LAMC2: variants seen among roughly 807,000 people sequenced by gnomAD.
LAMC2 encodes the protein laminin subunit gamma-2.
In LAMC2, 97 loss-of-function variants were observed where a neutral mutation model predicts 140.2. The observed-to-expected ratio is 0.69, with a 90% CI of 0.59 to 0.82. LAMC2 has a LOEUF of 0.82. LAMC2 is among the 40% of genes least tolerant of loss of function. The pLI is 0.00. For synonymous variants in LAMC2, 513 were observed against 540.2 expected, an observed-to-expected ratio of 0.95 and a Z score of 0.70; for missense variants, 1,402 against 1,476.1, an observed-to-expected ratio of 0.95 and a Z score of 0.82.
chr1:183,228,686 T>C lies in LAMC2; in HGVS notation c.1714+67T>C. ...TGTACGTATGCACTTGCTTGCCATC[T>C]AAGCAGGGACAATGGCAGTTCATAT... On this transcript the variant is annotated intron_variant, in intron 11 of 22. Transcript: ENST00000264144. The surrounding 1 kb of genome is among the most constrained non-coding windows in gnomAD (Gnocchi z 4.3). 6.3e-7 allele frequency: 1 copy of C among 1,594,366 alleles called. No individual in the cohort carries two copies. The highest frequency in any genetic ancestry group is 8.6e-7 in the Non-Finnish European group (1 of 1,167,656).
chr1:183,251,384 T>A, the LAMC2 span: 2 of 152,388 alleles, frequency 1.3e-5, no homozygotes, highest in Non-Finnish European at 1.5e-5. Context: ...GGCAACAAAT[T>A]GCTTTCTCCT....
chr1:183,248,255 TTTA>T (rs1281905902), downstream of LAMC2: 1 of 152,666 alleles, frequency 6.6e-6, no homozygotes, highest in Non-Finnish European at 1.5e-5. Context: ...CATTGTCTTA[TTTA>T]TTAACATAAT....
At chr1:183,222,980 A>T (rs1659517497) in intron 6 of LAMC2, among the ~76,000 whole-genome samples, 155 bp from the exon 7 acceptor site, 1 of 152,224 alleles carries the variant, frequency 6.6e-6, no homozygotes, top group African/African-American at 2.4e-5. Context: ...TGTCATAGCC[A>T]TGTCCAGTAC....
the LAMC2 span, among the ~76,000 whole-genome samples, chr1:183,258,019 T>G: frequency 6.6e-6 from 1 of 152,228 alleles, no homozygotes; most frequent in Admixed American, 6.5e-5. Context: ...CCTTAGTTTA[T>G]CCTTTTGGGT....
intron 4 of LAMC2, among the ~76,000 whole-genome samples, chr1:183,219,033 T>C (rs1026009741): frequency 5.3e-5 from 8 of 152,326 alleles, no homozygotes; most frequent in Middle Eastern, 3.4e-3. Flanking sequence ...CAAGCCACAC[T>C]GGAGGAGGTG....
chr1:183,231,110 A>G lies in LAMC2; in HGVS notation c.1857+7A>G. The G allele has an allele frequency of 6.2e-7, 1 of 1,614,134 alleles. No individual in the cohort carries two copies. Among genetic ancestry groups the G allele is most frequent in the South Asian group, 1.1e-5 (1 of 91,080 alleles). On this transcript the variant is annotated splice_region_variant and intron_variant, in intron 12 of 22. Coordinates refer to ENST00000264144, the MANE Select transcript of LAMC2 (RefSeq NM_005562.3). ...TAATCAAGTGAAGATTCAGGTATGC[A>G]TTCTTCCCCTTACCACCCCCAACCC...
chr1:183,198,281 A>G (rs1658588776), intron 1 of LAMC2, among the ~76,000 whole-genome samples: 2 of 151,852 alleles, frequency 1.3e-5, no homozygotes, highest in Non-Finnish European at 2.9e-5. Context: ...AGCTGGAACT[A>G]CAGGTGCCTG....
Position 183,239,518 on chromosome 1 carries a change from G to C in LAMC2, c.3024G>C (p.Lys1008Asn). Reference sequence around the variant, plus strand: ...CTGCTGCTGATGCACAGAGGGCAAAGAATGGGGCCGGGGAGGCCCTGGAAA... The same window carrying C: ...CTGCTGCTGATGCACAGAGGGCAAACAATGGGGCCGGGGAGGCCCTGGAAA... ...GSAAADAQRA[K>N]NGAGEALEIS... Residue 1008 changes from lysine (K) to asparagine (N), a missense_variant, in exon 20 of 23, where the codon AAG becomes AAC. Physicochemically the swap from Lys to Asn is moderately conservative, Grantham distance 94. Coordinates refer to ENST00000264144, the MANE Select transcript of LAMC2 (RefSeq NM_005562.3). The C allele has an allele frequency of 6.2e-7, 1 of 1,613,572 alleles. No homozygotes were observed. The highest frequency in any genetic ancestry group is 8.5e-7 in the Non-Finnish European group (1 of 1,179,836).
At chr1:183,231,957 C>A (rs1295930788) in intron 12 of LAMC2, among the ~76,000 whole-genome samples, 1 of 152,092 alleles carries the variant, frequency 6.6e-6, no homozygotes, top group African/African-American at 2.4e-5. Context: ...TTTCATTATC[C>A]TAATTTTATA....
chr1:183,198,882 C>T (rs910551480), intron 1 of LAMC2, among the ~76,000 whole-genome samples: 1 of 152,144 alleles, frequency 6.6e-6, no homozygotes, highest in African/African-American at 2.4e-5. Context: ...CCTGAAAGTC[C>T]CAGACCCTTA....
chr1:183,251,668 A>G, the LAMC2 span: 1 of 152,894 alleles, frequency 6.5e-6, no homozygotes, highest in African/African-American at 2.4e-5. Context: ...ACAGTCCACA[A>G]AGGTAAATGA....
At chr1:183,251,666 C>T in the LAMC2 span, 2 of 152,824 alleles carry the variant, frequency 1.3e-5, no homozygotes, top group African/African-American at 4.8e-5. Context: ...CTACAGTCCA[C>T]AAAGGTAAAT....
chr1:183,248,094 C>T (rs1301508521), downstream of LAMC2: 2 of 152,330 alleles, frequency 1.3e-5, no homozygotes, highest in Non-Finnish European at 2.9e-5. Flanking sequence ...TTATATAACA[C>T]ATGTGGCATC....
chr1:183,226,668 G>A (rs560159905), intron 8 of LAMC2, 30 bp from the exon 9 acceptor site: 16 of 1,583,264 alleles, frequency 1.0e-5, no homozygotes, highest in South Asian at 5.5e-5. Context: ...TGTACCACTT[G>A]CAACTTCTAA....
At chr1:183,216,301 G>C (rs777609996) in intron 3 of LAMC2, among the ~76,000 whole-genome samples, 1 of 152,092 alleles carries the variant, frequency 6.6e-6, no homozygotes, top group South Asian at 2.1e-4. Context: ...GTTCTGGTCC[G>C]GCCTTCCCTG....
intron 1 of LAMC2, among the ~76,000 whole-genome samples, chr1:183,195,583 CA>C (rs1220746339): frequency 6.6e-6 from 1 of 152,124 alleles, no homozygotes; most frequent in Non-Finnish European, 1.5e-5. Flanking sequence ...TTAAATGAAA[CA>C]AATGGATCAG....
intron 6 of LAMC2, among the ~76,000 whole-genome samples, chr1:183,222,693 G>A (rs1659511475): frequency 6.6e-6 from 1 of 152,034 alleles, no homozygotes; most frequent in African/African-American, 2.4e-5. Context: ...TGGGCAAGTT[G>A]TTCTCTTAAC....
At chr1:183,233,890 C>CTT (rs759259998) in intron 14 of LAMC2, among the ~76,000 whole-genome samples, 52 of 131,792 alleles carry the variant, frequency 3.9e-4, no homozygotes, top group South Asian at 5.0e-4. Flanking sequence ...CTTTTTTTTT[C>CTT]TTTTTTTTTT....
chr1:183,221,038 A>C, intron 5 of LAMC2, 77 bp downstream of exon 5: 1 of 1,307,756 alleles, frequency 7.6e-7, no homozygotes, highest in Non-Finnish European at 1.1e-6. Context: ...CCACCTCCGC[A>C]TTCACAGGAT....
Sources: gnomAD v4.1 joint callset for allele counts (sites outside exome capture counted in the v4.1 genomes callset) on GRCh38, gnomAD v4.1.1 for gene constraint, Gnocchi (gnomAD v3.1) non-coding constraint, MANE v1.5 for transcripts, NCBI Gene and HGNC (gene_info 2026-07-23, HGNC 2026-07-21) for gene names.